The following DNAJC3 variants were observed in gnomAD, a reference collection of about 807,000 sequenced individuals.
DNAJC3 encodes the protein DnaJ heat shock protein family (Hsp40) member C3.
In DNAJC3, 38 loss-of-function variants were observed where a neutral mutation model predicts 68.6. The observed-to-expected ratio is 0.55, with a 90% confidence interval of 0.43 to 0.73. The LOEUF is 0.73. DNAJC3 is among the 30% of genes least tolerant of loss of function. DNAJC3 has a pLI of 0.00. For missense variants in DNAJC3, 526 were observed against 591.9 expected, an observed-to-expected ratio of 0.89 and a Z score of 1.16; for synonymous variants, 203 against 204.0, an observed-to-expected ratio of 1.00 and a Z score of 0.04.
intron 1 of DNAJC3, among the ~76,000 whole-genome samples, chr13:95,703,955 A>G (rs892138935): frequency 6.6e-6 from 1 of 152,046 alleles, no homozygotes. Flanking sequence ...TGGAAGTAGT[A>G]TGACATGCCC....
chr13:95,778,317 CA>C (rs1456941488), intron 9 of DNAJC3, among the ~76,000 whole-genome samples: 3 of 152,214 alleles, frequency 2.0e-5, no homozygotes, highest in Non-Finnish European at 4.4e-5. Context: ...AAAGGCTGAA[CA>C]CCAAAGCAGT....
intron 9 of DNAJC3, 61 bp from the exon 10 acceptor site, chr13:95,785,878 T>G: frequency 6.8e-7 from 1 of 1,468,668 alleles, no homozygotes; most frequent in Non-Finnish European, 9.1e-7. Flanking sequence ...TTTTACAGGA[T>G]AAGAAAAGGC....
At chr13:95,681,081 G>A (rs1475048266) in intron 1 of DNAJC3, among the ~76,000 whole-genome samples, 2 of 152,212 alleles carry the variant, frequency 1.3e-5, no homozygotes, top group African/African-American at 4.8e-5. Context: ...TGAGTTTACA[G>A]ACCACTTAGG....
At chr13:95,717,880 A>G (rs745470874) in intron 2 of DNAJC3, among the ~76,000 whole-genome samples, 2 of 152,216 alleles carry the variant, frequency 1.3e-5, no homozygotes, top group Non-Finnish European at 2.9e-5. Context: ...AGCAGCATGA[A>G]AACGGACTAA....
At chr13:95,745,652 T>G (rs1455530313) in intron 4 of DNAJC3, 2 of 152,292 alleles carry the variant, frequency 1.3e-5, no homozygotes, top group Non-Finnish European at 2.9e-5. Flanking sequence ...CCCTTTTGCC[T>G]TTAAAAGCTT....
intron 9 of DNAJC3, among the ~76,000 whole-genome samples, chr13:95,784,597 A>C (rs970461909): frequency 2.0e-5 from 3 of 152,192 alleles, no homozygotes; most frequent in African/African-American, 7.2e-5. Flanking sequence ...GACTCCCAGA[A>C]GGAAAGATGT....
intron 4 of DNAJC3, among the ~76,000 whole-genome samples, chr13:95,739,873 A>C (rs562349267): frequency 3.3e-5 from 5 of 152,304 alleles, no homozygotes; most frequent in Non-Finnish European, 7.3e-5. Flanking sequence ...GTTCCTTTAG[A>C]GGAGGAGATG....
Position 95,760,214 on chromosome 13 carries a change from T to C in DNAJC3, c.721T>C (p.Ser241Pro). Residue 241 changes from serine to proline, a missense_variant, in exon 6 of 12, where the codon TCC becomes CCC. Transcript: ENST00000602402. ...CTACCAACTAGGAGACCACGAACTG[T>C]CCCTCAGGTCAGTTCTAGTGACACA... is the stretch of plus-strand genomic sequence containing the variant. ...LYYQLGDHEL[S>P]LSEVRECLKL... 1 of 1,580,910 alleles carries C rather than the reference T, an allele frequency of 6.3e-7. No individual in the cohort carries two copies. Among genetic ancestry groups the C allele is most frequent in the Non-Finnish European group, 8.6e-7 (1 of 1,163,612 alleles).
At chr13:95,736,911 GA>G (rs1566491472) in intron 4 of DNAJC3, among the ~76,000 whole-genome samples, 3 of 149,670 alleles carry the variant, frequency 2.0e-5, no homozygotes, top group Admixed American at 1.3e-4. Flanking sequence ...TTTTCAAAGG[GA>G]ATGCTTCCAG....
At chr13:95,697,790 T>G (rs1450693942) in intron 1 of DNAJC3, among the ~76,000 whole-genome samples, 1 of 150,984 alleles carries the variant, frequency 6.6e-6, no homozygotes, top group Non-Finnish European at 1.5e-5. Flanking sequence ...CAAGAAGTTT[T>G]TTTTTTTTTT....
chr13:95,774,062 C>T (rs768778410), intron 9 of DNAJC3, among the ~76,000 whole-genome samples: 2 of 152,070 alleles, frequency 1.3e-5, no homozygotes, highest in Non-Finnish European at 2.9e-5. Context: ...GAACCAACTT[C>T]GGGATTTGTT....
At chr13:95,710,671 G>A (rs1880926853) in intron 2 of DNAJC3, among the ~76,000 whole-genome samples, 2 of 151,604 alleles carry the variant, frequency 1.3e-5, no homozygotes, top group South Asian at 4.2e-4. Context: ...GTTTTGTTTT[G>A]TTTTGTTTTG....
chr13:95,716,392 G>C (rs1173956492), intron 2 of DNAJC3, among the ~76,000 whole-genome samples: 1 of 152,158 alleles, frequency 6.6e-6, no homozygotes, highest in African/African-American at 2.4e-5. Context: ...AAGCCCAAGT[G>C]GGTGTGTGTT....
In DNAJC3 at chr13:95,690,893, ACGGGGCGGC is replaced by A; in HGVS notation, c.82+13557_82+13565del. On this transcript the variant is annotated intron_variant, in intron 1 of 11. Transcript: ENST00000602402. The stretch of plus-strand genomic sequence containing the variant: ...GGCAGAGGCGCCCCTCACTTCCCAG[ACGGGGCGGC>A]TGGCCGGGCGGGGGGCTGACCCCCC... Among the ~76,000 whole-genome samples, 3 of 125,222 alleles carry A rather than the reference ACGGGGCGGC, an allele frequency of 2.4e-5. 1 individual carries two copies. The highest frequency in any genetic ancestry group is 3.1e-5 in the African/African-American group (1 of 32,080). The allele number at this position is 125,222 out of a possible 152,430, so 82.2% of individuals were successfully genotyped here.
intron 4 of DNAJC3, among the ~76,000 whole-genome samples, chr13:95,729,213 C>CTTTTTTT (rs1238841185): frequency 7.0e-6 from 1 of 143,602 alleles, no homozygotes; most frequent in Non-Finnish European, 1.5e-5. Flanking sequence ...TTCTCTCTCT[C>CTTTTTTT]TTTTCCCCCG....
At chr13:95,704,851 G>GGTTTTTTTTTTTTTTTT in intron 1 of DNAJC3, among the ~76,000 whole-genome samples, 1 of 97,850 alleles carries the variant, frequency 1.0e-5, no homozygotes, top group East Asian at 2.7e-4. Flanking sequence ...GTGTGTGTGT[G>GGTTTTTTTTTTTTTTTT]TTTTTTTTTT....
At chr13:95,704,705 C>G (rs1434952578) in intron 1 of DNAJC3, among the ~76,000 whole-genome samples, 1 of 152,124 alleles carries the variant, frequency 6.6e-6, no homozygotes, top group South Asian at 2.1e-4. Context: ...CAATCTGCCA[C>G]TAGGTGGCCA....
chr13:95,734,787 T>A (rs1423336990), intron 4 of DNAJC3, among the ~76,000 whole-genome samples: 1 of 152,038 alleles, frequency 6.6e-6, no homozygotes, highest in African/African-American at 2.4e-5. Context: ...AATTGTTTGT[T>A]CTGCTTGCTG....
chr13:95,779,049 T>G (rs1402721975), intron 9 of DNAJC3, among the ~76,000 whole-genome samples: 1 of 152,092 alleles, frequency 6.6e-6, no homozygotes, highest in African/African-American at 2.4e-5. Flanking sequence ...TATTTCCTTT[T>G]TTTGGTTGTT....
Sources: allele counts gnomAD v4.1 joint callset (sites outside exome capture counted in the v4.1 genomes callset), GRCh38; gene constraint gnomAD v4.1.1; transcripts MANE v1.5; gene names NCBI Gene and HGNC (gene_info 2026-07-23, HGNC 2026-07-21).